Variants in MMP16 observed in about 807,000 individuals in gnomAD.
MMP16 encodes the protein matrix metallopeptidase 16, also known as matrix metalloproteinase-16.
MMP16 carries 12 observed loss-of-function variants against 67.8 expected under a neutral mutation model. The observed-to-expected ratio is 0.18, with a 90% CI of 0.11 to 0.29. The LOEUF (loss-of-function observed/expected upper bound fraction) is 0.29. Ranked by LOEUF, MMP16 falls within the 10% of genes least tolerant of loss-of-function variation. MMP16 has a pLI of 1.00. For missense variants in MMP16, 475 were observed against 765.7 expected (o/e 0.62, Z 4.48); for synonymous variants, 249 against 255.9 (o/e 0.97, Z 0.26).
intron 6 of MMP16, among the ~76,000 whole-genome samples, chr8:88,076,373 C>T (rs913721702): frequency 4.6e-5 from 7 of 152,232 alleles, no homozygotes; most frequent in Non-Finnish European, 2.9e-5. Flanking sequence ...GAGTTATCTA[C>T]TTTCCCTCTT....
At chr8:88,062,542 C>A (rs935246472) in intron 7 of MMP16, among the ~76,000 whole-genome samples, 1 of 151,822 alleles carries the variant, frequency 6.6e-6, no homozygotes, top group Admixed American at 6.6e-5. Context: ...TCATTCTCAG[C>A]AAACTATCGC....
chr8:88,154,881 GA>G lies in MMP16; in HGVS notation c.709+12787del, dbSNP rs979403651. ...TTAAAGTATAATACAAAAAAAAAAA[GA>G]AAAAAAAAAGAAATACGTGTATTAT... On this transcript the variant is annotated intron_variant, in intron 4 of 9. Coordinates refer to ENST00000286614, the MANE Select transcript of MMP16 (RefSeq NM_005941.5). 1.6e-3 allele frequency among the ~76,000 whole-genome samples: 219 copies of G among 140,244 alleles called. 2 individuals are homozygous for G. The highest frequency in any genetic ancestry group is 5.0e-3 in the African/African-American group (188 of 37,614). 92.0% of individuals were successfully genotyped at this position (140,244 alleles called of 152,430 possible).
rs766454667 is a variant in MMP16, at chr8:88,327,244, C to G, written c.-38G>C. ...TTCAATGGATGGACGAGCTCCCCTT[C>G]GTTTTCTCCCTCTCTCCCTCTCCCT... On this transcript the variant is annotated 5_prime_UTR_variant, in exon 1 of 10. Transcript: ENST00000286614. The G allele has an allele frequency of 4.3e-6, 7 of 1,612,410 alleles. No homozygotes were observed. Among genetic ancestry groups the G allele is most frequent in the Non-Finnish European group, 5.9e-6 (7 of 1,178,934 alleles).
intron 6 of MMP16, among the ~76,000 whole-genome samples, chr8:88,103,791 T>C (rs1338300480): frequency 6.6e-6 from 1 of 151,844 alleles, no homozygotes; most frequent in East Asian, 1.9e-4. Context: ...ATTTCTATAA[T>C]GAACAGAATC....
intron 2 of MMP16, among the ~76,000 whole-genome samples, chr8:88,192,888 G>A (rs1049729518): frequency 1.3e-5 from 2 of 152,010 alleles, no homozygotes; most frequent in East Asian, 1.9e-4. Flanking sequence ...AACTTTTATC[G>A]AAAAGACAGG....
At chr8:88,235,904 T>G (rs1353179567) in intron 1 of MMP16, among the ~76,000 whole-genome samples, 1 of 144,906 alleles carries the variant, frequency 6.9e-6, no homozygotes, top group Non-Finnish European at 1.5e-5. Flanking sequence ...TCTCTTTTCC[T>G]AAAAAAAAAA....
chr8:88,097,987 C>T (rs1563530799), intron 6 of MMP16, among the ~76,000 whole-genome samples: 1 of 151,826 alleles, frequency 6.6e-6, no homozygotes, highest in Non-Finnish European at 1.5e-5. Flanking sequence ...GAGTCAGGGT[C>T]CAACTAGAGT....
intron 1 of MMP16, among the ~76,000 whole-genome samples, chr8:88,256,390 A>G (rs921733556): frequency 3.3e-5 from 5 of 152,048 alleles, no homozygotes; most frequent in Non-Finnish European, 7.4e-5. Context: ...ACTTCACACA[A>G]CAACCTCCAA....
chr8:88,321,087 T>C (rs1183421270), intron 1 of MMP16, among the ~76,000 whole-genome samples: 2 of 152,212 alleles, frequency 1.3e-5, no homozygotes, highest in Non-Finnish European at 2.9e-5. Flanking sequence ...GTCCTTTTAG[T>C]ATGGAATTTT....
chr8:88,075,486 G>A (rs1005435202), intron 6 of MMP16, among the ~76,000 whole-genome samples: 1 of 151,820 alleles, frequency 6.6e-6, no homozygotes, highest in Non-Finnish European at 1.5e-5. Context: ...TTAATAATTG[G>A]CCTACACACA....
At chr8:88,072,687 A>ATGTT (rs1368965001) in intron 7 of MMP16, among the ~76,000 whole-genome samples, 1 of 152,128 alleles carries the variant, frequency 6.6e-6, no homozygotes, top group Non-Finnish European at 1.5e-5. Context: ...TTTAATTGAA[A>ATGTT]TGTTTATTGA....
chr8:88,053,915 T>C (rs1326295506), intron 8 of MMP16, among the ~76,000 whole-genome samples: 1 of 152,166 alleles, frequency 6.6e-6, no homozygotes, highest in Non-Finnish European at 1.5e-5. Flanking sequence ...TTTCTATATA[T>C]TTTCTATATT....
At chr8:88,149,288 G>A (rs1235913604) in intron 4 of MMP16, among the ~76,000 whole-genome samples, 2 of 152,210 alleles carry the variant, frequency 1.3e-5, no homozygotes, top group South Asian at 4.1e-4. Flanking sequence ...TGGGTGAGGG[G>A]CGCCCGCCAT....
intron 6 of MMP16, among the ~76,000 whole-genome samples, chr8:88,104,613 T>A (rs1468558307): frequency 7.2e-6 from 1 of 138,824 alleles, no homozygotes; most frequent in Non-Finnish European, 1.6e-5. Flanking sequence ...TACGTAACAC[T>A]TGATAATAAT....
intron 4 of MMP16, among the ~76,000 whole-genome samples, chr8:88,130,472 G>A (rs1808009151): frequency 6.6e-6 from 1 of 151,594 alleles, no homozygotes; most frequent in East Asian, 1.9e-4. Context: ...AAAATTAAAG[G>A]ACGTTTCTTT....
Position 88,116,527 on chromosome 8 carries a change from G to A in MMP16, c.1063C>T (p.Arg355Cys). The A allele has an allele frequency of 1.9e-6, 3 of 1,613,202 alleles. No homozygotes were observed. Among genetic ancestry groups the A allele is most frequent in the Non-Finnish European group, 2.5e-6 (3 of 1,179,630 alleles). ...CCTACCTTGAAAACAAACATCTCAC[G>A]ACGAAGAATAGCTAGAGTGTTAAAG... ...GNFNTLAILR[R>C]EMFVFKDQWF... is the part of the protein sequence containing the mutation. Residue 355 changes from arginine (R) to cysteine (C), a missense_variant, in exon 6 of 10, where the codon CGT becomes TGT. Physicochemically the swap from Arg to Cys is radical, Grantham distance 180. Transcript: ENST00000286614.
chr8:88,294,856 G>A (rs945049630), intron 1 of MMP16, among the ~76,000 whole-genome samples: 2 of 152,110 alleles, frequency 1.3e-5, no homozygotes, highest in Non-Finnish European at 2.9e-5. Flanking sequence ...GGGATTACAG[G>A]TGCCTGCCAC....
chr8:88,054,339 T>C lies in MMP16; in HGVS notation c.1373+1789A>G, dbSNP rs748960731. Among the ~76,000 whole-genome samples the C allele has an allele frequency of 7.2e-5, 11 of 152,164 alleles. 1 individual carries two copies. Among genetic ancestry groups the C allele is most frequent in the African/African-American group, 9.7e-5 (4 of 41,440 alleles). ...CGTATAGTACCGAGTTCTGCATGGGTACATTCAAGCAATTAAAATCAGCTG... is the reference window on the plus strand; with the variant it reads ...CGTATAGTACCGAGTTCTGCATGGGCACATTCAAGCAATTAAAATCAGCTG... On this transcript the variant is annotated intron_variant, in intron 8 of 9. Transcript: ENST00000286614.
chr8:88,231,757 T>C (rs1809861989), intron 1 of MMP16, among the ~76,000 whole-genome samples: 1 of 152,214 alleles, frequency 6.6e-6, no homozygotes, highest in Admixed American at 6.5e-5. Flanking sequence ...CAAATGATTG[T>C]AACTTCTTTA....
Sources: allele counts gnomAD v4.1 joint callset (sites outside exome capture counted in the v4.1 genomes callset), GRCh38; gene constraint gnomAD v4.1.1; transcripts MANE v1.5; gene names NCBI Gene and HGNC (gene_info 2026-07-23, HGNC 2026-07-21).